Variants in GALNT9 observed in about 807,000 individuals in gnomAD.
GALNT9 encodes the protein GalNAc transferase 9.
In GALNT9, 47 loss-of-function variants were observed where a neutral mutation model predicts 63.1. The observed-to-expected ratio is 0.75, with a 90% CI of 0.59 to 0.95. The LOEUF is 0.95. GALNT9 is among the 40% of genes least tolerant of loss of function. The pLI, the probability that GALNT9 is intolerant of heterozygous loss-of-function variation, is 0.00. For synonymous variants in GALNT9, 396 were observed against 365.7 expected (o/e 1.08, Z -0.94); for missense variants, 829 against 874.8 (o/e 0.95, Z 0.66).
chr12:132,205,019 G>A (rs570079313), intron 6 of GALNT9, among the ~76,000 whole-genome samples: 5 of 152,138 alleles, frequency 3.3e-5, no homozygotes, highest in African/African-American at 4.8e-5. Context: ...TGCCGAGGCC[G>A]AGGGTGGTGC....
chr12:132,289,524 G>T (rs868932311), intron 1 of GALNT9, among the ~76,000 whole-genome samples: 3 of 152,198 alleles, frequency 2.0e-5, no homozygotes, highest in South Asian at 2.1e-4. Flanking sequence ...CTTGGCAGAC[G>T]CCCCCTGCTT....
At chr12:132,304,285 A>G (rs1555244264) in intron 1 of GALNT9, among the ~76,000 whole-genome samples, 6 of 85,410 alleles carry the variant, frequency 7.0e-5, no homozygotes, top group Admixed American at 1.2e-4. Context: ...GCCCGGGCAC[A>G]CCCTCGCCCG....
chr12:132,287,068 C>A (rs888137061), intron 1 of GALNT9, among the ~76,000 whole-genome samples: 1 of 108,250 alleles, frequency 9.2e-6, no homozygotes, highest in South Asian at 4.5e-4. Flanking sequence ...CGCCCCCCCC[C>A]CCCCCCGTGA....
chr12:132,296,075 C>T lies in GALNT9; in HGVS notation c.239-9645G>A, dbSNP rs1192049437. Among the ~76,000 whole-genome samples the T allele has an allele frequency of 6.9e-6, 1 of 143,908 alleles. No homozygotes were observed. The highest frequency in any genetic ancestry group is 1.5e-5 in the Non-Finnish European group (1 of 66,752). The allele number at this position is 143,908 out of a possible 152,430, so 94.4% of individuals were successfully genotyped here. On this transcript the variant is annotated intron_variant, in intron 1 of 10. Transcript: ENST00000328957. This position sits in a 1 kb window ranked among gnomAD's most constrained non-coding sequence, Gnocchi z 4.2. ...CTCTGAACAGGGAGAGGCTCCGGAA[C>T]AGGGAGAGCCTCCGAACAGGGAGAG...
Position 132,245,554 on chromosome 12 carries a change from C to T in GALNT9, c.1077+2356G>A, listed in dbSNP as rs1765232793. Among the ~76,000 whole-genome samples, 3 of 147,996 alleles carry T rather than the reference C, an allele frequency of 2.0e-5. No homozygotes were observed. Among genetic ancestry groups the T allele is most frequent in the African/African-American group, 2.6e-5 (1 of 37,754 alleles). ...ACCCCCAGCCCAGCCTGCTGACCCT[C>T]GCCCAGCCAGGGCCCTCCGTGGTCC... On this transcript the variant is annotated intron_variant, in intron 6 of 10. Coordinates refer to ENST00000328957, the MANE Select transcript of GALNT9 (RefSeq NM_001122636.2). This position sits in a 1 kb window ranked among gnomAD's most constrained non-coding sequence, Gnocchi z 6.3.
rs369696076 is a variant in GALNT9 at position 132,197,085 on chromosome 12, G to T, written c.*22C>A. ...GGCCCAGCGCCTTCCCGAGGTCTGT[G>T]GGGGTCCGGGCGGAGGTGGGGTCAG... On this transcript the variant is annotated 3_prime_UTR_variant, in exon 11 of 11. Coordinates refer to ENST00000328957, the MANE Select transcript of GALNT9 (RefSeq NM_001122636.2). 3.7e-6 allele frequency: 6 copies of T among 1,612,698 alleles called. No homozygotes were observed. In the African/African-American group the frequency reaches 8.0e-5, roughly 22 times the overall value.
In GALNT9 at chr12:132,196,593, T is replaced by C. The variant is rs746351826; in HGVS notation, c.*514A>G. 1.0e-6 allele frequency: 1 copy of C among 987,296 alleles called. No homozygotes were observed. The highest frequency in any genetic ancestry group is 1.2e-6 in the Non-Finnish European group (1 of 831,256). 61.2% of individuals were successfully genotyped at this position (987,296 alleles called of 1,614,324 possible). A position where few individuals can be genotyped will look rare whatever the true frequency, so the allele number is the denominator to read the frequency against. ...ACGGCCTCAGGTTTGTCGCTGTCCA[T>C]GTCCTCCAGCACCCCTCTTACCAGA... On this transcript the variant is annotated 3_prime_UTR_variant, in exon 11 of 11. Transcript: ENST00000328957.
At chr12:132,248,105 G>A (rs1555238257) in intron 5 of GALNT9, 78 bp from the exon 6 acceptor site, 9 of 1,487,962 alleles carry the variant, frequency 6.0e-6, no homozygotes, top group African/African-American at 1.4e-5. Context: ...AGCCAGGAAA[G>A]CCTGGAAGAC....
chr12:132,261,460 C>T (rs1256640287), intron 3 of GALNT9, among the ~76,000 whole-genome samples: 2 of 152,200 alleles, frequency 1.3e-5, no homozygotes, highest in African/African-American at 2.4e-5. Flanking sequence ...GACACACAAA[C>T]GTGGCCTTCC....
At chr12:132,228,729 C>T (rs953054326) in intron 6 of GALNT9, among the ~76,000 whole-genome samples, 65 of 152,228 alleles carry the variant, frequency 4.3e-4, no homozygotes, top group African/African-American at 1.4e-3. Flanking sequence ...CATGTCCGAG[C>T]GTTTCAAGAC....
chr12:132,199,355 C>T, intron 8 of GALNT9, 86 bp from the exon 9 acceptor site: 1 of 991,858 alleles, frequency 1.0e-6, no homozygotes, highest in South Asian at 1.4e-5. Flanking sequence ...CTGCAGCCAG[C>T]ACCTAAGGAG....
intron 6 of GALNT9, among the ~76,000 whole-genome samples, chr12:132,208,985 A>G (rs1876839057): frequency 6.6e-6 from 1 of 152,240 alleles, no homozygotes; most frequent in Non-Finnish European, 1.5e-5. Flanking sequence ...CACCTCTGGT[A>G]ACTCTCAGGT....
chr12:132,211,016 C>T (rs1324238079), intron 6 of GALNT9, among the ~76,000 whole-genome samples: 6 of 152,130 alleles, frequency 3.9e-5, no homozygotes, highest in South Asian at 2.1e-4. Flanking sequence ...CCAAAAATCG[C>T]GGTGCCTGCC....
At chr12:132,197,577 C>T (rs1352208710) in intron 10 of GALNT9, among the ~76,000 whole-genome samples, 1 of 152,204 alleles carries the variant, frequency 6.6e-6, no homozygotes, top group Non-Finnish European at 1.5e-5. Flanking sequence ...CCAGCCCGAC[C>T]CCTCTCTGGC....
intron 1 of GALNT9, among the ~76,000 whole-genome samples, chr12:132,301,892 C>T (rs1301058001): frequency 7.2e-5 from 11 of 152,212 alleles, no homozygotes; most frequent in South Asian, 2.1e-4. Flanking sequence ...CCTTCTGTGC[C>T]GTCAGAGGTA....
At chr12:132,257,631 G>A (rs903646702) in intron 5 of GALNT9, 58 bp downstream of exon 5, 141 of 1,361,224 alleles carry the variant, frequency 1.0e-4, no homozygotes, top group Admixed American at 5.8e-4. Flanking sequence ...CGCCCGCCTC[G>A]CTCTGCTCCG....
At chr12:132,202,338 C>T (rs905439433) in intron 7 of GALNT9, among the ~76,000 whole-genome samples, 1 of 152,182 alleles carries the variant, frequency 6.6e-6, no homozygotes, top group Non-Finnish European at 1.5e-5. Flanking sequence ...CACCGGGTAC[C>T]CTCTTCTCGT....
chr12:132,219,658 G>A (rs915377430), intron 6 of GALNT9, among the ~76,000 whole-genome samples: 4 of 152,162 alleles, frequency 2.6e-5, no homozygotes, highest in Non-Finnish European at 4.4e-5. Flanking sequence ...CCCGCGCTTG[G>A]GTAAGGGGAA....
At chr12:132,320,035 C>G (rs1015586254) in intron 1 of GALNT9, among the ~76,000 whole-genome samples, 18 of 152,232 alleles carry the variant, frequency 1.2e-4, no homozygotes, top group Non-Finnish European at 2.1e-4. Context: ...AGCGTTCACT[C>G]TGTCAGACTT....
Sources: allele counts gnomAD v4.1 joint callset (sites outside exome capture counted in the v4.1 genomes callset), GRCh38; gene constraint gnomAD v4.1.1; non-coding constraint Gnocchi (gnomAD v3.1); transcripts MANE v1.5; gene names NCBI Gene and HGNC (gene_info 2026-07-23, HGNC 2026-07-21).